The following TENT4A variants were observed in gnomAD, a reference collection of about 807,000 sequenced individuals.
TENT4A encodes terminal nucleotidyltransferase 4A.
Under a neutral mutation model 72.8 loss-of-function variants are expected in TENT4A, and 7 were observed. That is an observed-to-expected ratio of 0.10 (90% CI 0.05 to 0.18). The LOEUF (loss-of-function observed/expected upper bound fraction) is 0.18, where lower values mean the gene tolerates loss of function less well. Ranked by LOEUF, TENT4A falls within the 10% of genes least tolerant of loss-of-function variation. The pLI is 1.00. For missense variants in TENT4A, 831 were observed against 1,017.7 expected (o/e 0.82, Z 2.50); for synonymous variants, 456 against 434.3 (o/e 1.05, Z -0.62).
chr5:6,740,512 TCCTTATAGTGTTTAGCAG>T (rs1741743566), intron 4 of TENT4A, among the ~76,000 whole-genome samples: 1 of 152,214 alleles, frequency 6.6e-6, no homozygotes, highest in African/African-American at 2.4e-5. Context: ...GTGATTCACA[TCCTTATAGTGTTTAGCAG>T]AATGTAAGTT....
intron 1 of TENT4A, among the ~76,000 whole-genome samples, chr5:6,721,784 G>A (rs1355273735): frequency 1.3e-5 from 2 of 152,230 alleles, no homozygotes; most frequent in African/African-American, 4.8e-5. Context: ...ATGCCTTTTT[G>A]TTGTGGGCTT....
chr5:6,745,470 G>A (rs887816473), intron 6 of TENT4A, among the ~76,000 whole-genome samples: 1 of 152,232 alleles, frequency 6.6e-6, no homozygotes, highest in African/African-American at 2.4e-5. Context: ...GGCGCCACAT[G>A]TGGCTACTGA....
intron 1 of TENT4A, among the ~76,000 whole-genome samples, chr5:6,734,837 T>A (rs1741395234): frequency 6.6e-6 from 1 of 152,218 alleles, no homozygotes; most frequent in African/African-American, 2.4e-5. Flanking sequence ...GGCCACCCCC[T>A]CTTCTCCCTG....
intron 11 of TENT4A, among the ~76,000 whole-genome samples, chr5:6,752,236 C>T (rs993394786): frequency 1.3e-5 from 2 of 152,198 alleles, no homozygotes; most frequent in Non-Finnish European, 2.9e-5. Flanking sequence ...TCTGCGGCTG[C>T]TTGTGTGGTT....
chr5:6,720,585 A>G (rs1261821175), intron 1 of TENT4A, among the ~76,000 whole-genome samples: 1 of 152,048 alleles, frequency 6.6e-6, no homozygotes, highest in East Asian at 1.9e-4. Context: ...CAGAGGCAGG[A>G]GAATCCTTTG....
chr5:6,731,396 A>C lies in TENT4A; in HGVS notation c.717-6114A>C, dbSNP rs75586629. On this transcript the variant is annotated intron_variant, in intron 1 of 12. Transcript: ENST00000230859. The stretch of plus-strand genomic sequence containing the variant: ...GATTGATGAGATTAACGGGGTGTTA[A>C]AGGTAAACTGAGGCACATAATTAAC... Among the ~76,000 whole-genome samples the C allele has an allele frequency of 3.5e-4, 54 of 152,348 alleles. No homozygotes were observed. In the East Asian group the frequency reaches 9.8e-3, roughly 28 times the overall value.
intron 1 of TENT4A, among the ~76,000 whole-genome samples, chr5:6,718,673 C>G (rs1055298757): frequency 1.8e-4 from 28 of 152,172 alleles, no homozygotes; most frequent in African/African-American, 6.5e-4. Flanking sequence ...TTAACTCTTC[C>G]AACACTCCTT....
At chr5:6,738,952 G>A (rs1033308816) in intron 3 of TENT4A, among the ~76,000 whole-genome samples, 4 of 152,332 alleles carry the variant, frequency 2.6e-5, no homozygotes, top group Middle Eastern at 3.4e-3. Context: ...TTGTTGGGGT[G>A]CAAAAATGCT....
intron 4 of TENT4A, among the ~76,000 whole-genome samples, chr5:6,740,920 G>A (rs2126638456): frequency 6.6e-6 from 1 of 152,364 alleles, no homozygotes; most frequent in African/African-American, 2.4e-5. Flanking sequence ...ACATTTTACA[G>A]GTGAGGAAAC....
intron 10 of TENT4A, 134 bp downstream of exon 10, chr5:6,750,637 G>T: frequency 3.7e-6 from 3 of 811,846 alleles, no homozygotes; most frequent in Admixed American, 3.3e-5. Flanking sequence ...GGAGGTGGGT[G>T]GGGGGCAGCC....
intron 1 of TENT4A, among the ~76,000 whole-genome samples, chr5:6,727,206 G>T (rs1306316329): frequency 6.6e-6 from 1 of 152,104 alleles, no homozygotes; most frequent in Non-Finnish European, 1.5e-5. Context: ...CTTTTCCACT[G>T]TGTTGCCCTC....
rs746219336 is a variant in TENT4A at position 6,756,580 on chromosome 5, C to G, written c.*1635C>G. ...TCACTCTGTCATTGGGAGCTGTCAG[C>G]TGCGACTGCAGGTTCTCTAGGAGGC... On this transcript the variant is annotated 3_prime_UTR_variant, in exon 13 of 13. Transcript: ENST00000230859. The G allele has an allele frequency of 1.3e-5, 2 of 152,404 alleles. No homozygotes were observed. Among genetic ancestry groups the G allele is most frequent in the Non-Finnish European group, 2.9e-5 (2 of 68,026 alleles). The allele number at this position is 152,404 out of a possible 1,614,324, so 9.4% of individuals were successfully genotyped here. A position where few individuals can be genotyped will look rare whatever the true frequency, so the allele number is the denominator to read the frequency against.
At chr5:6,744,954 C>G (rs771737674) in intron 6 of TENT4A, among the ~76,000 whole-genome samples, 1 of 152,220 alleles carries the variant, frequency 6.6e-6, no homozygotes, top group Non-Finnish European at 1.5e-5. Flanking sequence ...TCCTCCACCC[C>G]CTCAGGGGGT....
intron 1 of TENT4A, among the ~76,000 whole-genome samples, chr5:6,722,154 T>A (rs1244516737): frequency 1.3e-5 from 2 of 152,176 alleles, no homozygotes; most frequent in Non-Finnish European, 2.9e-5. Context: ...GGTTTCGCCA[T>A]GGTTTCTAAC....
At chr5:6,723,058 A>G (rs1431119952) in intron 1 of TENT4A, among the ~76,000 whole-genome samples, 1 of 62,088 alleles carries the variant, frequency 1.6e-5, no homozygotes, top group Non-Finnish European at 3.8e-5. Context: ...TATTTGAAAC[A>G]GTGTTTGATT....
chr5:6,725,308 G>A (rs1052649012), intron 1 of TENT4A, among the ~76,000 whole-genome samples: 3 of 152,088 alleles, frequency 2.0e-5, no homozygotes, highest in African/African-American at 4.8e-5. Context: ...GTGACAGAGC[G>A]AGACTCCGTC....
intron 1 of TENT4A, among the ~76,000 whole-genome samples, chr5:6,731,200 A>G (rs1022899973): frequency 5.9e-5 from 9 of 152,226 alleles, no homozygotes; most frequent in African/African-American, 1.9e-4. Context: ...GATTTCTGAG[A>G]AACCACTAGT....
intron 3 of TENT4A, among the ~76,000 whole-genome samples, chr5:6,739,041 A>G (rs920876677): frequency 6.6e-6 from 1 of 152,238 alleles, no homozygotes; most frequent in South Asian, 2.1e-4. Context: ...CTGATATTTT[A>G]GGACATGTGT....
chr5:6,753,183 C>A, intron 12 of TENT4A, 146 bp downstream of exon 12: 1 of 773,510 alleles, frequency 1.3e-6, no homozygotes, highest in Non-Finnish European at 2.0e-6. Context: ...GTTTGCTTGT[C>A]TTTCCAAACA....
Sources: gnomAD v4.1 joint callset for allele counts (sites outside exome capture counted in the v4.1 genomes callset) on GRCh38, gnomAD v4.1.1 for gene constraint, MANE v1.5 for transcripts, NCBI Gene and HGNC (gene_info 2026-07-23, HGNC 2026-07-21) for gene names.